PEBP4: variants seen among roughly 807,000 people sequenced by gnomAD.
PEBP4 encodes the protein phosphatidylethanolamine binding protein 4.
PEBP4 carries 22 observed loss-of-function variants against 23.9 expected under a neutral mutation model. The observed-to-expected ratio is 0.92, with a 90% CI of 0.66 to 1.31. The LOEUF (loss-of-function observed/expected upper bound fraction) is 1.31, where lower values mean the gene tolerates loss of function less well. Among genes scored for constraint, PEBP4 ranks in the 40% most tolerant of loss-of-function variants. The pLI, the probability that PEBP4 is intolerant of heterozygous loss-of-function variation, is 0.00. For missense variants in PEBP4, 324 were observed against 281.7 expected (o/e 1.15, Z -1.07); for synonymous variants, 112 against 99.3 (o/e 1.13, Z -0.76).
rs565586086 is a variant in PEBP4 at position 22,859,267 on chromosome 8, C to G, written c.259-41532G>C. ...CAGGAGAAAGTCAAAGATGGAAAATCCAAGTGGCTTCTGAGGCAGAGCCAG... is the reference window on the plus strand; with the variant it reads ...CAGGAGAAAGTCAAAGATGGAAAATGCAAGTGGCTTCTGAGGCAGAGCCAG... On this transcript the variant is annotated intron_variant, in intron 3 of 6. Transcript: ENST00000256404. Among the ~76,000 whole-genome samples, 5 of 152,332 alleles carry G rather than the reference C, an allele frequency of 3.3e-5. No individual in the cohort carries two copies. In the South Asian group the frequency reaches 6.2e-4, roughly 19 times the overall value.
chr8:22,909,989 T>A (rs1808903021), intron 3 of PEBP4, among the ~76,000 whole-genome samples: 3 of 152,308 alleles, frequency 2.0e-5, no homozygotes, highest in African/African-American at 7.2e-5. Context: ...CCACGCCATG[T>A]AATACAACTG....
chr8:22,716,165 G>T (rs1045212322), intron 6 of PEBP4, among the ~76,000 whole-genome samples: 14 of 152,202 alleles, frequency 9.2e-5, no homozygotes, highest in Non-Finnish European at 1.3e-4. Flanking sequence ...TGAGCCACCT[G>T]CCCTGTGGCT....
chr8:22,835,189 C>T (rs1300169340), intron 3 of PEBP4, among the ~76,000 whole-genome samples: 1 of 152,096 alleles, frequency 6.6e-6, no homozygotes, highest in Admixed American at 6.5e-5. Context: ...TACTGATCTG[C>T]AAAATGGCAA....
intron 3 of PEBP4, among the ~76,000 whole-genome samples, chr8:22,881,122 T>A (rs543773794): frequency 6.6e-6 from 1 of 152,354 alleles, no homozygotes; most frequent in African/African-American, 2.4e-5. Flanking sequence ...TACCTCTCCC[T>A]CTTGGCGTCC....
intron 3 of PEBP4, among the ~76,000 whole-genome samples, chr8:22,855,607 G>A (rs574049726): frequency 7.9e-5 from 12 of 152,134 alleles, no homozygotes; most frequent in Non-Finnish European, 1.3e-4. Context: ...GGAACTCAGC[G>A]TTAAATCAAA....
intron 3 of PEBP4, among the ~76,000 whole-genome samples, chr8:22,868,873 G>C (rs1272976611): frequency 6.6e-5 from 10 of 152,074 alleles, no homozygotes; most frequent in Admixed American, 4.6e-4. Context: ...TTTCAACATG[G>C]TGGCCAGAGA....
rs560245936 is a variant in PEBP4 at position 22,854,754 on chromosome 8, A to G, written c.259-37019T>C. Reference sequence around the variant, plus strand: ...ACATTATAACGTGTAATTATGTCATATAATTCTTTAATAAAGCATGCAGAA... The same window carrying G: ...ACATTATAACGTGTAATTATGTCATGTAATTCTTTAATAAAGCATGCAGAA... On this transcript the variant is annotated intron_variant, in intron 3 of 6. Coordinates refer to ENST00000256404, the MANE Select transcript of PEBP4 (RefSeq NM_144962.3). Among the ~76,000 whole-genome samples, 4 of 152,296 alleles carry G rather than the reference A, an allele frequency of 2.6e-5. No homozygotes were observed. In the South Asian group the frequency reaches 8.3e-4, roughly 32 times the overall value.
At chr8:22,839,337 G>C (rs1360514682) in intron 3 of PEBP4, among the ~76,000 whole-genome samples, 1 of 152,144 alleles carries the variant, frequency 6.6e-6, no homozygotes. Context: ...AGGGGCTTTG[G>C]GGGTGGCATG....
chr8:22,825,381 C>T (rs991090130), intron 3 of PEBP4, among the ~76,000 whole-genome samples: 7 of 152,208 alleles, frequency 4.6e-5, no homozygotes, highest in Non-Finnish European at 7.3e-5. Context: ...ATAGCCAAGA[C>T]AGAAGAACGT....
intron 3 of PEBP4, among the ~76,000 whole-genome samples, chr8:22,844,478 A>T (rs887293048): frequency 2.6e-5 from 4 of 152,168 alleles, no homozygotes; most frequent in Admixed American, 6.5e-5. Context: ...ACCTCAGGTG[A>T]TCCACCCACC....
At position 22,770,941 on chromosome 8, in the gene PEBP4, C is replaced by A. The variant is rs200603666; in HGVS notation, c.358-43721G>T. Among the ~76,000 whole-genome samples the A allele has an allele frequency of 2.0e-4, 30 of 152,336 alleles. No individual in the cohort carries two copies. The East Asian group carries it at 3.9e-3, about 20-fold the overall frequency. On this transcript the variant is annotated intron_variant, in intron 4 of 6. Coordinates refer to ENST00000256404, the MANE Select transcript of PEBP4 (RefSeq NM_144962.3). ...AATTTTCCAAGCCTCATTTGCCCAC[C>A]CATAAAATGGGATTGAAGTTACTTC...
chr8:22,826,904 T>C (rs1213368042), intron 3 of PEBP4, among the ~76,000 whole-genome samples: 1 of 152,234 alleles, frequency 6.6e-6, no homozygotes, highest in Non-Finnish European at 1.5e-5. Flanking sequence ...TAACGTGGAA[T>C]GTGCAGCAGT....
In PEBP4 at chr8:22,927,691, G is replaced by T. The variant is rs11547477; in HGVS notation, c.24C>A (p.Val8=). ...TGAGACCCAGTAACAGTGCTGCTGT[G>T]ACCAGCCTCATTGTCCAACCCATGG... The part of the protein sequence containing the change: MGWTMRL[V]TAALLLGLMM... The change falls in exon 2 of 7, where the codon GTC becomes GTA. Residue 8 remains valine (V), a synonymous_variant. Transcript: ENST00000256404. The T allele has an allele frequency of 1.3e-5, 21 of 1,613,672 alleles. No homozygotes were observed. In the East Asian group the frequency reaches 4.0e-4, roughly 31 times the overall value.
chr8:22,898,610 C>T (rs1234978568), intron 3 of PEBP4, among the ~76,000 whole-genome samples: 6 of 152,104 alleles, frequency 3.9e-5, no homozygotes, highest in African/African-American at 1.4e-4. Flanking sequence ...GACATTCATG[C>T]CCGAGGGAAT....
At chr8:22,728,613 C>CTT (rs113682695) in intron 4 of PEBP4, among the ~76,000 whole-genome samples, 1 of 101,002 alleles carries the variant, frequency 9.9e-6, no homozygotes. Flanking sequence ...CCTTCCTTCC[C>CTT]TTTTTTTGGA....
chr8:22,864,527 G>A (rs1283429161), intron 3 of PEBP4, among the ~76,000 whole-genome samples: 1 of 152,136 alleles, frequency 6.6e-6, no homozygotes, highest in East Asian at 1.9e-4. Flanking sequence ...GGTCCCATCC[G>A]CATATCCTAA....
intron 3 of PEBP4, among the ~76,000 whole-genome samples, chr8:22,898,939 T>G (rs1808653428): frequency 6.6e-6 from 1 of 152,034 alleles, no homozygotes; most frequent in Non-Finnish European, 1.5e-5. Context: ...AGAAACTGAG[T>G]CCCAGTATCC....
At chr8:22,724,810 C>A (rs1207076371) in intron 6 of PEBP4, 33 bp downstream of exon 6, 1 of 1,537,540 alleles carries the variant, frequency 6.5e-7, no homozygotes, top group African/African-American at 1.4e-5. Context: ...AGAATTCACC[C>A]CGGTGGTGGC....
intron 3 of PEBP4, among the ~76,000 whole-genome samples, chr8:22,834,497 G>A (rs1807158768): frequency 6.6e-6 from 1 of 152,236 alleles, no homozygotes. Flanking sequence ...GGGGTTCACA[G>A]CATGCTCTGA....
Sources: gnomAD v4.1 joint callset for allele counts (sites outside exome capture counted in the v4.1 genomes callset) on GRCh38, gnomAD v4.1.1 for gene constraint, MANE v1.5 for transcripts, NCBI Gene and HGNC (gene_info 2026-07-23, HGNC 2026-07-21) for gene names.